Variants in NFYB observed in about 807,000 individuals in gnomAD.
The protein encoded by NFYB is CAAT box DNA-binding protein subunit B.
Under a neutral mutation model 28.0 loss-of-function variants are expected in NFYB, and 13 were observed. The observed-to-expected ratio is 0.46, with a 90% confidence interval of 0.30 to 0.74. NFYB has a LOEUF of 0.74. Ranked by LOEUF, NFYB falls within the 30% of genes least tolerant of loss-of-function variation. The pLI, the probability that NFYB is intolerant of heterozygous loss-of-function variation, is 0.07. For missense variants in NFYB, 142 were observed against 247.6 expected (o/e 0.57, Z 2.86); for synonymous variants, 74 against 75.0 (o/e 0.99, Z 0.07).
At chr12:104,128,347 G>T in intron 3 of NFYB, 77 bp downstream of exon 3, 1 of 1,007,542 alleles carries the variant, frequency 9.9e-7, no homozygotes, top group Non-Finnish European at 1.5e-6. Flanking sequence ...AAGTAGCCTA[G>T]AACACCATAT....
chr12:104,118,035 T>C lies in NFYB; in HGVS notation c.*1702A>G, dbSNP rs935879844. 1 of 152,170 alleles carries C rather than the reference T, an allele frequency of 6.6e-6. No individual in the cohort carries two copies. The highest frequency in any genetic ancestry group is 2.4e-5 in the African/African-American group (1 of 41,444). 9.4% of individuals were successfully genotyped at this position (152,170 alleles called of 1,614,324 possible). On this transcript the variant is annotated 3_prime_UTR_variant, in exon 8 of 8. Coordinates refer to ENST00000240055, the MANE Select transcript of NFYB (RefSeq NM_006166.4). Reference sequence around the variant, plus strand: ...CAATAGAAGATTAAATGAATTATGATTGAGTCATACAGCAGAATAATAAAC... The same window carrying C: ...CAATAGAAGATTAAATGAATTATGACTGAGTCATACAGCAGAATAATAAAC...
At chr12:104,128,401 G>C in intron 3 of NFYB, 23 bp downstream of exon 3, 2 of 1,547,824 alleles carry the variant, frequency 1.3e-6, no homozygotes, top group South Asian at 1.2e-5. Context: ...TTGAGAATTT[G>C]GTTCTAATTG....
At chr12:104,121,976 A>T (rs2030492631) in intron 5 of NFYB, among the ~76,000 whole-genome samples, 1 of 152,234 alleles carries the variant, frequency 6.6e-6, no homozygotes, top group African/African-American at 2.4e-5. Context: ...GCTTTTCACA[A>T]AATCCATTCC....
chr12:104,120,552 A>T, intron 6 of NFYB, 73 bp from the exon 7 acceptor site: 1 of 1,001,112 alleles, frequency 1.0e-6, no homozygotes, highest in South Asian at 1.3e-5. Flanking sequence ...TTAAGGTTGT[A>T]CCATTAATGT....
rs184577417 is a variant in NFYB at position 104,135,490 on chromosome 12, A to T, written c.-37T>A. ...AGAACCGTGTTGTCAGTGGTGCTGA[A>T]GAACACCTATCTAAAAAGGTGTCTA... On this transcript the variant is annotated 5_prime_UTR_variant, in exon 2 of 8. Transcript: ENST00000240055. The T allele has an allele frequency of 5.1e-6, 8 of 1,561,874 alleles. No individual in the cohort carries two copies. The Admixed American group carries it at 1.6e-4, about 31-fold the overall frequency.
intron 3 of NFYB, 114 bp from the exon 4 acceptor site, chr12:104,126,358 A>G: frequency 1.3e-6 from 1 of 747,912 alleles, no homozygotes; most frequent in Non-Finnish European, 1.9e-6. Context: ...CTTAACCATT[A>G]TTTAGGGATT....
At chr12:104,126,667 C>A (rs1169465388) in intron 3 of NFYB, among the ~76,000 whole-genome samples, 1 of 152,038 alleles carries the variant, frequency 6.6e-6, no homozygotes. Context: ...CTTTGTGTTT[C>A]CTACAGCTTG....
intron 6 of NFYB, among the ~76,000 whole-genome samples, chr12:104,120,774 C>T (rs143280446): frequency 9.9e-5 from 15 of 152,254 alleles, no homozygotes; most frequent in Middle Eastern, 3.4e-3. Context: ...GATTAAACTA[C>T]ACTACACCAT....
At chr12:104,125,679 T>G (rs895002533) in intron 4 of NFYB, among the ~76,000 whole-genome samples, 1 of 150,878 alleles carries the variant, frequency 6.6e-6, no homozygotes, top group African/African-American at 2.4e-5. Flanking sequence ...AGAAACCCCA[T>G]TTCTACCAAA....
intron 2 of NFYB, among the ~76,000 whole-genome samples, chr12:104,134,957 C>G (rs2031051190): frequency 6.6e-6 from 1 of 152,196 alleles, no homozygotes; most frequent in African/African-American, 2.4e-5. Context: ...CACCTCTACT[C>G]CCGATCCCCT....
intron 2 of NFYB, chr12:104,131,639 G>A (rs1007841888): frequency 1.7e-5 from 7 of 409,566 alleles, no homozygotes; most frequent in African/African-American, 1.5e-4. Context: ...CTTGCTAGAT[G>A]CATCCCAAAG....
intron 2 of NFYB, among the ~76,000 whole-genome samples, chr12:104,129,215 G>A (rs188239745): frequency 3.2e-4 from 49 of 152,134 alleles, no homozygotes; most frequent in Non-Finnish European, 6.3e-4. Flanking sequence ...TGTACCTGTA[G>A]CCCCAACTGC....
intron 5 of NFYB, among the ~76,000 whole-genome samples, chr12:104,122,800 C>T: frequency 6.6e-6 from 1 of 152,288 alleles, no homozygotes; most frequent in East Asian, 1.9e-4. Flanking sequence ...AGAAATGTTA[C>T]ATAATTTACT....
At position 104,123,548 on chromosome 12, in the gene NFYB, A is replaced by G. The variant is rs1030887484; in HGVS notation, c.232-125T>C. 5.8e-6 allele frequency: 4 copies of G among 690,862 alleles called. No individual in the cohort carries two copies. The East Asian group carries it at 1.1e-4, about 19-fold the overall frequency. 42.8% of individuals were successfully genotyped at this position (690,862 alleles called of 1,614,324 possible). On this transcript the variant is annotated intron_variant, in intron 4 of 7. Transcript: ENST00000240055. ...TATGACTATTTAATCTCTTAAATATATGTTATAACATTAACACAATGTGTG... is the reference window on the plus strand; with the variant it reads ...TATGACTATTTAATCTCTTAAATATGTGTTATAACATTAACACAATGTGTG...
At chr12:104,135,864 T>C (rs2031080549) in intron 1 of NFYB, among the ~76,000 whole-genome samples, 1 of 152,220 alleles carries the variant, frequency 6.6e-6, no homozygotes. Flanking sequence ...TTATATAATA[T>C]GCAAGAGACC....
At chr12:104,122,610 G>C (rs961163276) in intron 5 of NFYB, among the ~76,000 whole-genome samples, 1 of 152,134 alleles carries the variant, frequency 6.6e-6, no homozygotes, top group Non-Finnish European at 1.5e-5. Context: ...TAGGCTGTGC[G>C]TTCCTTATGA....
intron 2 of NFYB, among the ~76,000 whole-genome samples, chr12:104,128,900 TCAAA>T (rs1317620725): frequency 6.6e-6 from 1 of 152,028 alleles, no homozygotes; most frequent in Non-Finnish European, 1.5e-5. Context: ...ACTCCTGGGC[TCAAA>T]CAAACCACCT....
In NFYB at chr12:104,119,313, G is replaced by C. The variant is rs942539119; in HGVS notation, c.*424C>G. The C allele has an allele frequency of 6.5e-6, 1 of 152,902 alleles. No individual in the cohort carries two copies. The highest frequency in any genetic ancestry group is 1.5e-5 in the Non-Finnish European group (1 of 68,478). The allele number at this position is 152,902 out of a possible 1,614,324, so 9.5% of individuals were successfully genotyped here. On this transcript the variant is annotated 3_prime_UTR_variant, in exon 8 of 8. Transcript: ENST00000240055. ...CTCAAATTTATAATAAAGGCAACTT[G>C]CATTCAAAATGAACTCTACCCTTAT...
rs1018446709 is a variant in NFYB, at chr12:104,118,952, G to C, written c.*785C>G. On this transcript the variant is annotated 3_prime_UTR_variant, in exon 8 of 8. Coordinates refer to ENST00000240055, the MANE Select transcript of NFYB (RefSeq NM_006166.4). ...AAAAAAAATCATGTACCAAATGAAAGGGGCACCATTTCAAGAGCACTAGGA... is the reference window on the plus strand; with the variant it reads ...AAAAAAAATCATGTACCAAATGAAACGGGCACCATTTCAAGAGCACTAGGA... 1 of 152,064 alleles carries C rather than the reference G, an allele frequency of 6.6e-6. No homozygotes were observed. The highest frequency in any genetic ancestry group is 2.4e-5 in the African/African-American group (1 of 41,404). The allele number at this position is 152,064 out of a possible 1,614,324, so 9.4% of individuals were successfully genotyped here. A position where few individuals can be genotyped will look rare whatever the true frequency, so the allele number is the denominator to read the frequency against.
Sources: gnomAD v4.1 joint callset for allele counts (sites outside exome capture counted in the v4.1 genomes callset) on GRCh38, gnomAD v4.1.1 for gene constraint, MANE v1.5 for transcripts, NCBI Gene and HGNC (gene_info 2026-07-23, HGNC 2026-07-21) for gene names.